Variants in MEAK7 observed in about 807,000 individuals in gnomAD.
The protein encoded by MEAK7 is MTOR associated protein MEAK7.
MEAK7 carries 68 observed loss-of-function variants against 40.5 expected under a neutral mutation model. The ratio of observed to expected loss-of-function variants is 1.68; its 90% confidence interval spans 1.38 to 2.06. The LOEUF is 2.06. Among genes scored for constraint, MEAK7 ranks in the 30% most tolerant of loss-of-function variants. The pLI, the probability that MEAK7 is intolerant of heterozygous loss-of-function variation, is 0.00. For missense variants in MEAK7, 918 were observed against 580.5 expected (o/e 1.58, Z -5.98); for synonymous variants, 338 against 231.9 (o/e 1.46, Z -4.16).
chr16:84,485,645 TCC>T (rs1912972054), intron 5 of MEAK7, among the ~76,000 whole-genome samples: 10 of 147,068 alleles, frequency 6.8e-5, no homozygotes, highest in African/African-American at 9.8e-5. Flanking sequence ...TATCTATCCA[TCC>T]ATCCATCCAT....
At chr16:84,484,290 C>T (rs895279034) in intron 5 of MEAK7, among the ~76,000 whole-genome samples, 2 of 152,208 alleles carry the variant, frequency 1.3e-5, no homozygotes, top group African/African-American at 4.8e-5. Context: ...GTGACACCAA[C>T]AACGAGGACT....
intron 2 of MEAK7, chr16:84,497,528 G>A (rs1914148890): frequency 7.7e-7 from 1 of 1,291,058 alleles, no homozygotes; most frequent in Non-Finnish European, 1.0e-6. Context: ...AGGGCAGTCA[G>A]GAGGGACGTG....
intron 3 of MEAK7, among the ~76,000 whole-genome samples, chr16:84,489,894 C>T (rs536917539): frequency 2.2e-4 from 33 of 152,270 alleles, no homozygotes; most frequent in African/African-American, 7.5e-4. Context: ...AGTTGCAGCT[C>T]GCTTCCAACA....
At chr16:84,486,603 C>A in intron 5 of MEAK7, 28 bp downstream of exon 5, 1 of 1,565,856 alleles carries the variant, frequency 6.4e-7, no homozygotes, top group South Asian at 1.2e-5. Context: ...CTGTGCCACT[C>A]GTCAAGGTTC....
chr16:84,492,884 T>A (rs1323746796), intron 3 of MEAK7, among the ~76,000 whole-genome samples: 1 of 152,240 alleles, frequency 6.6e-6, no homozygotes, highest in Non-Finnish European at 1.5e-5. Flanking sequence ...GCCCAGCCTA[T>A]ATCAAGTGTT....
At chr16:84,482,242 G>A (rs992987704) in intron 6 of MEAK7, among the ~76,000 whole-genome samples, 2 of 152,182 alleles carry the variant, frequency 1.3e-5, no homozygotes, top group Admixed American at 6.5e-5. Context: ...GCACTCCCAC[G>A]TATGAGGCAG....
Position 84,478,173 on chromosome 16 carries a change from G to A in MEAK7, c.*1740C>T, listed in dbSNP as rs1216915617. 6.6e-6 allele frequency: 1 copy of A among 152,182 alleles called. No individual in the cohort carries two copies. The highest frequency in any genetic ancestry group is 1.5e-5 in the Non-Finnish European group (1 of 68,038). The allele number at this position is 152,182 out of a possible 1,614,324, so 9.4% of individuals were successfully genotyped here. On this transcript the variant is annotated 3_prime_UTR_variant, in exon 8 of 8. Coordinates refer to ENST00000343629, the MANE Select transcript of MEAK7 (RefSeq NM_020947.4). ...AATTCTTTGGACTTACGGTAGAGAT[G>A]CTTGAGGATCCTAATATTCTACTTC...
chr16:84,497,185 A>G (rs538513891), intron 2 of MEAK7: 1 of 329,734 alleles, frequency 3.0e-6, no homozygotes, highest in Admixed American at 4.4e-5. Flanking sequence ...ATTCTAGAAG[A>G]GGGAGGAGGC....
rs1597918922 is a variant in MEAK7 at position 84,480,979 on chromosome 16, G to A, written c.1078-271C>T. 3.9e-5 allele frequency among the ~76,000 whole-genome samples: 6 copies of A among 152,350 alleles called. No homozygotes were observed. In the South Asian group the frequency reaches 1.2e-3, roughly 32 times the overall value. The stretch of plus-strand genomic sequence containing the variant: ...GAAGATTTGCTGGCTGAAAGCACAA[G>A]TGACATCAGAGAATTAAAAATGTTA... On this transcript the variant is annotated intron_variant, in intron 6 of 7. Coordinates refer to ENST00000343629, the MANE Select transcript of MEAK7 (RefSeq NM_020947.4).
At chr16:84,481,146 A>G (rs558047553) in intron 6 of MEAK7, among the ~76,000 whole-genome samples, 2 of 152,334 alleles carry the variant, frequency 1.3e-5, no homozygotes, top group East Asian at 3.9e-4. Flanking sequence ...TCCTCACCCC[A>G]AGACAGGCTG....
rs1205984713 is a variant in MEAK7, at chr16:84,486,922, A to T, written c.667T>A (p.Ser223Thr). 1 of 1,614,188 alleles carries T rather than the reference A, an allele frequency of 6.2e-7. No individual in the cohort carries two copies. The highest frequency in any genetic ancestry group is 1.1e-5 in the South Asian group (1 of 91,082). Reference protein sequence around the residue: ...VICKGFLILCSSLDLTTLVPE... With the variant: ...VICKGFLILCTSLDLTTLVPE... ...ACCAGGGTAGTCAGATCAAGAGACG[A>T]GCACAGGATGAGAAAGCCCTTGCAA... The change falls in exon 5 of 8, where the codon TCG (serine) becomes ACG (threonine). Residue 223 changes from serine (S) to threonine (T), a missense_variant. By Grantham distance (58) the Ser-to-Thr change is moderately conservative. Coordinates refer to ENST00000343629, the MANE Select transcript of MEAK7 (RefSeq NM_020947.4).
intron 2 of MEAK7, among the ~76,000 whole-genome samples, chr16:84,496,600 AG>A (rs1363451120): frequency 6.6e-6 from 1 of 152,192 alleles, no homozygotes; most frequent in African/African-American, 2.4e-5. Flanking sequence ...GTAGTATCAC[AG>A]GAAAATAAGT....
chr16:84,504,097 G>C, intron 1 of MEAK7: 1 of 985,550 alleles, frequency 1.0e-6, no homozygotes, highest in African/African-American at 1.7e-5. Context: ...AAGGTGACCT[G>C]TCCTGTGCTG....
intron 5 of MEAK7, among the ~76,000 whole-genome samples, chr16:84,483,122 C>T (rs1050664520): frequency 6.6e-6 from 1 of 152,212 alleles, no homozygotes. Context: ...AGTGACGCTG[C>T]GTAGTGCTGA....
chr16:84,484,058 C>T (rs908394589), intron 5 of MEAK7, among the ~76,000 whole-genome samples: 3 of 152,202 alleles, frequency 2.0e-5, no homozygotes, highest in Non-Finnish European at 2.9e-5. Flanking sequence ...CCCGCTCTCC[C>T]CGACTGGACT....
intron 2 of MEAK7, among the ~76,000 whole-genome samples, chr16:84,496,406 C>T (rs1005978021): frequency 1.3e-5 from 2 of 152,154 alleles, no homozygotes; most frequent in South Asian, 4.1e-4. Context: ...CTTCTTTTGG[C>T]TTTGGAGCTA....
In MEAK7 at chr16:84,495,904, C is replaced by T. The variant is rs181423987; in HGVS notation, c.163G>A (p.Gly55Arg). 9.2e-5 allele frequency: 149 copies of T among 1,613,952 alleles called. No individual in the cohort carries two copies. Among genetic ancestry groups the T allele is most frequent in the Middle Eastern group, 6.6e-4 (4 of 6,062 alleles). ...ACCATCTCTGGGGGAAGAGCTTCCC[C>T]GACGTGGTTCTGCCGGGGACAAGCA... ...FSLKALQNHV[G>R]EALPPEMVTR... Residue 55 changes from glycine (G) to arginine (R), a missense_variant, in exon 3 of 8, where the codon GGG becomes AGG. Gly to Arg is a moderately radical substitution (Grantham distance 125). Transcript: ENST00000343629.
Position 84,485,639 on chromosome 16 carries a change from T to TATCTATCTATCC in MEAK7, c.958+991_958+992insGGATAGATAGAT, listed in dbSNP as rs71151220. Among the ~76,000 whole-genome samples the TATCTATCTATCC allele has an allele frequency of 3.7e-4, 56 of 149,502 alleles. No homozygotes were observed. The South Asian group carries it at 3.9e-3, about 10-fold the overall frequency. On this transcript the variant is annotated intron_variant, in intron 5 of 7. Transcript: ENST00000343629. ...GTAAACATTTCAAAAACTATCTATC[T>TATCTATCTATCC]ATCCATCCATCCATCCATCCATCCA...
chr16:84,499,728 G>A (rs1365358352), intron 1 of MEAK7, among the ~76,000 whole-genome samples: 1 of 152,052 alleles, frequency 6.6e-6, no homozygotes, highest in East Asian at 1.9e-4. Flanking sequence ...TCTGTATTCT[G>A]GGCATTTCAT....
Sources: gnomAD v4.1 joint callset for allele counts (sites outside exome capture counted in the v4.1 genomes callset) on GRCh38, gnomAD v4.1.1 for gene constraint, MANE v1.5 for transcripts, NCBI Gene and HGNC (gene_info 2026-07-23, HGNC 2026-07-21) for gene names.